The following ANKRD36B variants were observed in gnomAD, a reference collection of about 807,000 sequenced individuals.
The protein encoded by ANKRD36B is ankyrin repeat domain 36B.
ANKRD36B carries 37 observed loss-of-function variants against 135.7 expected under a neutral mutation model. The observed-to-expected ratio is 0.27, with a 90% confidence interval of 0.21 to 0.36. The LOEUF (loss-of-function observed/expected upper bound fraction) is 0.36, where lower values mean the gene tolerates loss of function less well. Among genes scored for constraint, ANKRD36B ranks in the 10% least tolerant of loss-of-function variants. The pLI, the probability that ANKRD36B is intolerant of heterozygous loss-of-function variation, is 1.00. For synonymous variants in ANKRD36B, 179 were observed against 348.1 expected (o/e 0.51, Z 5.41); for missense variants, 549 against 1,037.1 (o/e 0.53, Z 6.46).
In ANKRD36B at chr2:97,555,064, C is replaced by T. The variant is rs1212355275; in HGVS notation, c.1167G>A (p.Gly389=). 6.2e-7 allele frequency: 1 copy of T among 1,611,718 alleles called. No individual in the cohort carries two copies. The highest frequency in any genetic ancestry group is 8.5e-7 in the Non-Finnish European group (1 of 1,178,586). Residue 389 remains glycine (G), a synonymous_variant, in exon 14 of 44, where the codon GGG becomes GGA. Coordinates refer to ENST00000359901, the MANE Select transcript of ANKRD36B (RefSeq NM_001393939.1). ...AAATGTGTTTTGCAAAATTACCTGT[C>T]CCACATTGTAGTCCATCCTTTATTT... is the stretch of plus-strand genomic sequence containing the variant. ...ATEIKDGLQC[G]TVSSQKQQAL...
chr2:97,589,619 T>C lies in ANKRD36B; in HGVS notation c.67A>G (p.Arg23Gly), dbSNP rs765326645. Residue 23 changes from arginine to glycine, a missense_variant, in exon 1 of 44, where the codon AGG (arginine) becomes GGG (glycine). By Grantham distance (125) the Arg-to-Gly change is moderately radical. Transcript: ENST00000359901. ...HYYIKPYHLKRIHRAVLRGNL... is the reference protein window; with the variant it reads ...HYYIKPYHLKGIHRAVLRGNL... The stretch of plus-strand genomic sequence containing the variant: ...CCACGTAAGACAGCTCTGTGGATCC[T>C]CTTCAGATGATACGGTTTAATGTAG... The C allele has an allele frequency of 1.9e-5, 31 of 1,613,986 alleles. No homozygotes were observed. Among genetic ancestry groups the C allele is most frequent in the African/African-American group, 2.7e-5 (2 of 74,904 alleles).
At position 97,579,685 on chromosome 2, in the gene ANKRD36B, T is replaced by TTATATATTATCTATAAATATATATTG. The variant is rs1170837739; in HGVS notation, c.558-643_558-642insCAATATATATTTATAGATAATATATA. ...TATCTATAAATATATATTGTATATA[T>TTATATATTATCTATAAATATATATTG]TATATATTATATATGATGTTAGTTA... On this transcript the variant is annotated intron_variant, in intron 4 of 43. Transcript: ENST00000359901. Among the ~76,000 whole-genome samples the TTATATATTATCTATAAATATATATTG allele has an allele frequency of 2.9e-3, 424 of 145,588 alleles. 3 individuals carry two copies. Among genetic ancestry groups the TTATATATTATCTATAAATATATATTG allele is most frequent in the African/African-American group, 0.01 (403 of 39,960 alleles).
intron 6 of ANKRD36B, among the ~76,000 whole-genome samples, chr2:97,565,653 T>A (rs923309574): frequency 4.6e-5 from 7 of 152,218 alleles, no homozygotes; most frequent in African/African-American, 1.7e-4. Context: ...CACAATGAGA[T>A]AACATCTCAT....
chr2:97,560,618 C>T (rs916732644), intron 8 of ANKRD36B, 47 bp downstream of exon 8: 2 of 1,595,778 alleles, frequency 1.3e-6, no homozygotes, highest in African/African-American at 2.7e-5. Flanking sequence ...GGGAATTTCT[C>T]TTCTATCTTG....
intron 5 of ANKRD36B, among the ~76,000 whole-genome samples, chr2:97,577,843 C>T (rs983326128): frequency 2.6e-5 from 4 of 151,756 alleles, no homozygotes; most frequent in African/African-American, 9.7e-5. Context: ...CAAGTTGATG[C>T]CTACTACTCT....
chr2:97,563,759 G>A (rs573102080), intron 6 of ANKRD36B, among the ~76,000 whole-genome samples: 1 of 152,270 alleles, frequency 6.6e-6, no homozygotes, highest in East Asian at 1.9e-4. Context: ...ATAGCCATGG[G>A]AGAGATGCAG....
intron 43 of ANKRD36B, among the ~76,000 whole-genome samples, chr2:97,494,206 TG>T (rs1455992708): frequency 4.4e-5 from 4 of 90,608 alleles, no homozygotes; most frequent in Non-Finnish European, 8.8e-5. Flanking sequence ...CAAATTTTTG[TG>T]TTGCTATAAA....
chr2:97,587,153 A>T (rs1278853682), intron 1 of ANKRD36B, among the ~76,000 whole-genome samples: 2 of 152,214 alleles, frequency 1.3e-5, no homozygotes, highest in Non-Finnish European at 2.9e-5. Context: ...AGGCTGGGCG[A>T]CAGGGTGAGA....
intron 6 of ANKRD36B, among the ~76,000 whole-genome samples, chr2:97,563,431 T>C (rs1402092544): frequency 1.3e-5 from 2 of 149,622 alleles, no homozygotes; most frequent in African/African-American, 2.5e-5. Context: ...GAGAAAAAAA[T>C]ACACACACAC....
intron 12 of ANKRD36B, among the ~76,000 whole-genome samples, chr2:97,555,756 G>A (rs1412330426): frequency 6.6e-6 from 1 of 151,898 alleles, no homozygotes; most frequent in African/African-American, 2.4e-5. Flanking sequence ...CTCTTAAGTG[G>A]AAGGGACCTA....
intron 6 of ANKRD36B, among the ~76,000 whole-genome samples, chr2:97,575,194 C>A (rs1368890650): frequency 6.6e-6 from 1 of 152,046 alleles, no homozygotes; most frequent in Non-Finnish European, 1.5e-5. Context: ...CCTTCACCAA[C>A]TCTTTTTTTC....
In ANKRD36B at chr2:97,532,195, A is replaced by G. The variant is rs2078635898; in HGVS notation, c.2265+116T>C. 4.1e-5 allele frequency: 22 copies of G among 531,882 alleles called. 4 individuals are homozygous for G. Among genetic ancestry groups the G allele is most frequent in the South Asian group, 3.3e-4 (21 of 63,664 alleles). The allele number at this position is 531,882 out of a possible 1,614,324, so 32.9% of individuals were successfully genotyped here. A position where few individuals can be genotyped will look rare whatever the true frequency, so the allele number is the denominator to read the frequency against. ...TGTTTTTAAAATGAAATATTAAATT[A>G]TAATCAACTGATACTAAAAGGCAAA... On this transcript the variant is annotated intron_variant, in intron 35 of 43. Coordinates refer to ENST00000359901, the MANE Select transcript of ANKRD36B (RefSeq NM_001393939.1).
chr2:97,552,221 C>T (rs1233373722), intron 16 of ANKRD36B, among the ~76,000 whole-genome samples: 1 of 151,958 alleles, frequency 6.6e-6, no homozygotes, highest in African/African-American at 2.4e-5. Flanking sequence ...AAATCTGCTA[C>T]AAGCATTAGA....
At chr2:97,562,645 G>A (rs371100771) in intron 6 of ANKRD36B, among the ~76,000 whole-genome samples, 14 of 151,720 alleles carry the variant, frequency 9.2e-5, no homozygotes, top group South Asian at 2.1e-4. Context: ...CATTTTTTTC[G>A]TTCATAAATC....
intron 20 of ANKRD36B, 133 bp downstream of exon 20, chr2:97,549,286 C>A: frequency 1.7e-6 from 2 of 1,201,452 alleles, no homozygotes; most frequent in South Asian, 3.0e-5. Context: ...CAAGAACTTA[C>A]TACAAATGAA....
In ANKRD36B at chr2:97,540,023, T is replaced by A; in HGVS notation, c.1987+11A>T. 1 of 915,250 alleles carries A rather than the reference T, an allele frequency of 1.1e-6. No individual in the cohort carries two copies. The highest frequency in any genetic ancestry group is 1.6e-6 in the Non-Finnish European group (1 of 611,742). The allele number at this position is 915,250 out of a possible 1,614,324, so 56.7% of individuals were successfully genotyped here. ...ACTGAACATGACATTAAATGTGTTT[T>A]GTAAAATTACCTGTCCCAGATTTTT... On this transcript the variant is annotated intron_variant, in intron 30 of 43. Coordinates refer to ENST00000359901, the MANE Select transcript of ANKRD36B (RefSeq NM_001393939.1).
intron 20 of ANKRD36B, among the ~76,000 whole-genome samples, chr2:97,548,770 T>C (rs916233756): frequency 4.6e-5 from 7 of 151,956 alleles, no homozygotes; most frequent in African/African-American, 7.2e-5. Flanking sequence ...TGACTCAGTG[T>C]GTTTTTATGC....
rs1357180972 is a variant in ANKRD36B, at chr2:97,541,464, G to A, written c.1885+447C>T. On this transcript the variant is annotated intron_variant, in intron 28 of 43. Transcript: ENST00000359901. ...TGCCTCACAATCCCTCTTCCTTGTG[G>A]AAAATAATTGCTACTTCAGTGATCT... Among the ~76,000 whole-genome samples, 6 of 96,188 alleles carry A rather than the reference G, an allele frequency of 6.2e-5. 3 individuals are homozygous for A. Among genetic ancestry groups the A allele is most frequent in the Non-Finnish European group, 1.7e-4 (6 of 36,042 alleles). 63.1% of individuals were successfully genotyped at this position (96,188 alleles called of 152,430 possible).
rs1226115183 is a variant in ANKRD36B, at chr2:97,527,994, C to T, written c.2265+4317G>A. On this transcript the variant is annotated intron_variant, in intron 35 of 43. Coordinates refer to ENST00000359901, the MANE Select transcript of ANKRD36B (RefSeq NM_001393939.1). ...CCACTGTCAACATTAGACAGATCAA[C>T]GAGACACAAAGTTAACAAGGAGACC... 4.2e-5 allele frequency among the ~76,000 whole-genome samples: 4 copies of T among 95,782 alleles called. 1 individual carries two copies. The highest frequency in any genetic ancestry group is 2.3e-4 in the East Asian group (1 of 4,320). The allele number at this position is 95,782 out of a possible 152,430, so 62.8% of individuals were successfully genotyped here.
Sources: gnomAD v4.1 joint callset for allele counts (sites outside exome capture counted in the v4.1 genomes callset) on GRCh38, gnomAD v4.1.1 for gene constraint, MANE v1.5 for transcripts, NCBI Gene and HGNC (gene_info 2026-07-23, HGNC 2026-07-21) for gene names.